ZNF423: variants seen among roughly 807,000 people sequenced by gnomAD.
The protein encoded by ZNF423 is Ebf-associated zinc finger protein.
A neutral mutation model predicts 95.8 loss-of-function variants in ZNF423; 12 were observed. That is an observed-to-expected ratio of 0.13 (90% CI 0.08 to 0.20). ZNF423 has a LOEUF of 0.20. Among genes scored for constraint, ZNF423 ranks in the 10% least tolerant of loss-of-function variants. The pLI is 1.00. For missense variants in ZNF423, 1,316 were observed against 1,737.1 expected (o/e 0.76, Z 4.31); for synonymous variants, 749 against 711.9 (o/e 1.05, Z -0.83).
intron 1 of ZNF423, among the ~76,000 whole-genome samples, chr16:49,845,749 G>T (rs1188271650): frequency 2.0e-5 from 3 of 151,650 alleles, no homozygotes; most frequent in African/African-American, 7.3e-5. Flanking sequence ...TCGCCATGTT[G>T]CCCAGGCTGG....
At chr16:49,491,586 G>C (rs1175475028) in intron 7 of ZNF423, among the ~76,000 whole-genome samples, 1 of 147,710 alleles carries the variant, frequency 6.8e-6, no homozygotes, top group Non-Finnish European at 1.5e-5. Context: ...GGTCTTACCG[G>C]GGGGACTGGC....
intron 2 of ZNF423, among the ~76,000 whole-genome samples, chr16:49,777,105 C>G (rs2034134234): frequency 6.6e-6 from 1 of 152,166 alleles, no homozygotes; most frequent in South Asian, 2.1e-4. Flanking sequence ...GTGTGCATAC[C>G]TGTGTCTGCA....
At chr16:49,788,094 G>T (rs2034347857) in intron 2 of ZNF423, among the ~76,000 whole-genome samples, 1 of 152,196 alleles carries the variant, frequency 6.6e-6, no homozygotes. Flanking sequence ...TCCTAGTCCT[G>T]GACCCTCCTC....
At chr16:49,854,896 C>T (rs1013809004) in intron 1 of ZNF423, 1 of 985,194 alleles carries the variant, frequency 1.0e-6, no homozygotes, top group African/African-American at 1.7e-5. Flanking sequence ...GCACAGAAAG[C>T]CGGCCTGGGT....
At chr16:49,839,477 C>A (rs2144087891) in intron 1 of ZNF423, among the ~76,000 whole-genome samples, 1 of 152,296 alleles carries the variant, frequency 6.6e-6, no homozygotes, top group East Asian at 1.9e-4. Context: ...GGAGTTCTGC[C>A]GGGTGGCGCT....
intron 1 of ZNF423, among the ~76,000 whole-genome samples, chr16:49,797,110 A>T (rs1221629638): frequency 6.6e-6 from 1 of 152,066 alleles, no homozygotes; most frequent in Non-Finnish European, 1.5e-5. Flanking sequence ...ACCCTCTCAC[A>T]CACTGCAGGC....
intron 2 of ZNF423, among the ~76,000 whole-genome samples, chr16:49,768,066 T>C (rs1194928526): frequency 6.6e-6 from 1 of 152,186 alleles, no homozygotes; most frequent in Non-Finnish European, 1.5e-5. Context: ...ATCCCTCTAA[T>C]CCTGTACGGA....
chr16:49,839,005 G>C (rs990909131), intron 1 of ZNF423, among the ~76,000 whole-genome samples: 1 of 151,474 alleles, frequency 6.6e-6, no homozygotes, highest in East Asian at 2.0e-4. Flanking sequence ...AGCTGGGCGG[G>C]AAGAGCCCCG....
chr16:49,776,449 G>A (rs1310699354), intron 2 of ZNF423, among the ~76,000 whole-genome samples: 1 of 152,230 alleles, frequency 6.6e-6, no homozygotes, highest in Non-Finnish European at 1.5e-5. Context: ...ACCCGGGGAG[G>A]GAAGGAGGCC....
Position 49,603,731 on chromosome 16 carries a change from T to C in ZNF423, c.3601+22439A>G, listed in dbSNP as rs1048909592. On this transcript the variant is annotated intron_variant, in intron 5 of 7. Coordinates refer to ENST00000563137, the MANE Select transcript of ZNF423 (RefSeq NM_001379286.1). This position sits in a 1 kb window ranked among gnomAD's most constrained non-coding sequence, Gnocchi z 4.1. ...GGCCTAGAAATTCTTAATAATTTTC[T>C]GACATACAGCCCACATTTTCATTTG... is the stretch of plus-strand genomic sequence containing the variant. Among the ~76,000 whole-genome samples, 1 of 152,220 alleles carries C rather than the reference T, an allele frequency of 6.6e-6. No individual in the cohort carries two copies. Among genetic ancestry groups the C allele is most frequent in the African/African-American group, 2.4e-5 (1 of 41,462 alleles).
Position 49,488,782 on chromosome 16 carries a change from C to T in ZNF423, c.*2493G>A, listed in dbSNP as rs1966879012. The T allele has an allele frequency of 6.6e-6, 1 of 152,272 alleles. No individual in the cohort carries two copies. The highest frequency in any genetic ancestry group is 2.4e-5 in the African/African-American group (1 of 41,450). The allele number at this position is 152,272 out of a possible 1,614,324, so 9.4% of individuals were successfully genotyped here. A position where few individuals can be genotyped will look rare whatever the true frequency, so the allele number is the denominator to read the frequency against. ...TTATAACCCTACACTGCTCCCCAAC[C>T]CTAATACCACCTGATGGTAAAGAAT... On this transcript the variant is annotated 3_prime_UTR_variant, in exon 8 of 8. Coordinates refer to ENST00000563137, the MANE Select transcript of ZNF423 (RefSeq NM_001379286.1).
At chr16:49,740,398 G>A (rs535852444) in intron 2 of ZNF423, among the ~76,000 whole-genome samples, 20 of 152,256 alleles carry the variant, frequency 1.3e-4, no homozygotes, top group African/African-American at 4.6e-4. Flanking sequence ...TGGGCAAAGA[G>A]CCCACCAACC....
At chr16:49,767,307 A>G (rs1327524264) in intron 2 of ZNF423, among the ~76,000 whole-genome samples, 2 of 152,092 alleles carry the variant, frequency 1.3e-5, no homozygotes, top group Non-Finnish European at 2.9e-5. Flanking sequence ...TTCAAACAAC[A>G]TGGGGGACTT....
At chr16:49,506,371 G>C (rs541710855) in intron 7 of ZNF423, among the ~76,000 whole-genome samples, 14 of 152,220 alleles carry the variant, frequency 9.2e-5, no homozygotes, top group African/African-American at 3.4e-4. Flanking sequence ...ATAGGTAGGT[G>C]GAAGATGGAT....
chr16:49,673,940 C>A (rs1383922067), intron 3 of ZNF423, among the ~76,000 whole-genome samples: 1 of 152,142 alleles, frequency 6.6e-6, no homozygotes, highest in Non-Finnish European at 1.5e-5. Flanking sequence ...TCAGTTCTGG[C>A]AGGGTGATCA....
intron 7 of ZNF423, among the ~76,000 whole-genome samples, chr16:49,510,729 G>T (rs1173905563): frequency 6.6e-6 from 1 of 152,222 alleles, no homozygotes; most frequent in African/African-American, 2.4e-5. Context: ...GGCTTACAGG[G>T]TGCAAACCTC....
chr16:49,745,467 G>T (rs2033501934), intron 2 of ZNF423, among the ~76,000 whole-genome samples: 1 of 152,202 alleles, frequency 6.6e-6, no homozygotes, highest in South Asian at 2.1e-4. Flanking sequence ...GGCATGGCAG[G>T]CAAGCCCAAA....
intron 2 of ZNF423, among the ~76,000 whole-genome samples, chr16:49,737,834 A>G (rs1156278925): frequency 6.6e-6 from 1 of 152,236 alleles, no homozygotes; most frequent in Non-Finnish European, 1.5e-5. Context: ...TGGCCAGCAC[A>G]CGAATCAGAA....
At chr16:49,722,937 T>A (rs1304130016) in intron 3 of ZNF423, among the ~76,000 whole-genome samples, 3 of 151,240 alleles carry the variant, frequency 2.0e-5, no homozygotes, top group Middle Eastern at 3.4e-3. Flanking sequence ...GTTCCCTTAC[T>A]ATAAACGGGG....
Sources: allele counts gnomAD v4.1 joint callset (sites outside exome capture counted in the v4.1 genomes callset), GRCh38; gene constraint gnomAD v4.1.1; non-coding constraint Gnocchi (gnomAD v3.1); transcripts MANE v1.5; gene names NCBI Gene and HGNC (gene_info 2026-07-23, HGNC 2026-07-21).